The following ANO3 variants were observed in gnomAD, a reference collection of about 807,000 sequenced individuals.
ANO3 encodes the protein anoctamin 3.
Under a neutral mutation model 144.8 loss-of-function variants are expected in ANO3, and 99 were observed. The observed-to-expected ratio is 0.68, with a 90% CI of 0.58 to 0.81. The LOEUF is 0.81. Ranked by LOEUF, ANO3 falls within the 30% of genes least tolerant of loss-of-function variation. The pLI is 0.00. For missense variants in ANO3, 905 were observed against 1,202.2 expected (o/e 0.75, Z 3.66); for synonymous variants, 414 against 392.6 (o/e 1.05, Z -0.64).
intron 1 of ANO3, among the ~76,000 whole-genome samples, chr11:26,257,092 T>A (rs1435932987): frequency 6.6e-6 from 1 of 151,992 alleles, no homozygotes; most frequent in Non-Finnish European, 1.5e-5. Context: ...ATTGAAGGAA[T>A]CATCAAAATC....
chr11:26,590,144 A>G (rs1851402391), intron 14 of ANO3, among the ~76,000 whole-genome samples: 1 of 152,222 alleles, frequency 6.6e-6, no homozygotes, highest in Non-Finnish European at 1.5e-5. Flanking sequence ...TGATGAAACA[A>G]ACAAACAAAC....
chr11:26,460,261 A>C, intron 3 of ANO3: 1 of 292,492 alleles, frequency 3.4e-6, no homozygotes, highest in South Asian at 3.0e-5. Flanking sequence ...TTTATTGAAA[A>C]ATTTTCTTTG....
chr11:26,318,551 A>G (rs534924671), intron 1 of ANO3, among the ~76,000 whole-genome samples: 21 of 152,370 alleles, frequency 1.4e-4, no homozygotes, highest in Non-Finnish European at 1.8e-4. Context: ...GACTGACAGC[A>G]TAAAAGAATC....
Position 26,376,995 on chromosome 11 carries a change from G to C in ANO3, c.46+44674G>C, listed in dbSNP as rs1414505286. 2.0e-5 allele frequency among the ~76,000 whole-genome samples: 3 copies of C among 152,046 alleles called. No individual in the cohort carries two copies. The East Asian group carries it at 5.8e-4, about 29-fold the overall frequency. On this transcript the variant is annotated intron_variant, in intron 1 of 26. Transcript: ENST00000256737. ...GTTTGTCTTGGCTGTGGCTCAGTGA[G>C]GAGAAAAAAGTCTACATGAAAAATT...
At chr11:26,441,084 C>T (rs1300411226) in intron 1 of ANO3, among the ~76,000 whole-genome samples, 1 of 129,316 alleles carries the variant, frequency 7.7e-6, no homozygotes, top group Non-Finnish European at 1.6e-5. Flanking sequence ...GGGTTGGTGT[C>T]TTGATCCCTG....
At chr11:26,195,315 G>A (rs1851563064) in intron 1 of ANO3, among the ~76,000 whole-genome samples, 1 of 152,172 alleles carries the variant, frequency 6.6e-6, no homozygotes, top group African/African-American at 2.4e-5. Flanking sequence ...TCCTTGTAAA[G>A]TAGCTGGAAA....
At chr11:26,396,496 T>A (rs561703341) in intron 1 of ANO3, among the ~76,000 whole-genome samples, 6 of 152,174 alleles carry the variant, frequency 3.9e-5, no homozygotes, top group Non-Finnish European at 7.3e-5. Context: ...CGTGCACACA[T>A]ATGTTTATTG....
rs752235160 is a variant in ANO3, at chr11:26,441,924, A to G, written c.53A>G (p.Asn18Ser). The change falls in exon 2 of 27, where the codon AAT (asparagine) becomes AGT (serine). Residue 18 changes from asparagine to serine, a missense_variant. Coordinates refer to ENST00000256737, the MANE Select transcript of ANO3 (RefSeq NM_031418.4). ...IQSFKQQKGMNISKSEITKET... is the reference protein window; with the variant it reads ...IQSFKQQKGMSISKSEITKET... ...CAACATTTTGGATTTGCAGGTATGA[A>G]TATAAGCAAGAGTGAGATAACAAAA... is the stretch of plus-strand genomic sequence containing the variant. The G allele has an allele frequency of 5.0e-6, 8 of 1,612,816 alleles. No individual in the cohort carries two copies. Among genetic ancestry groups the G allele is most frequent in the Middle Eastern group, 1.7e-4 (1 of 6,046 alleles).
intron 1 of ANO3, among the ~76,000 whole-genome samples, chr11:26,414,625 C>A (rs1590340129): frequency 6.6e-6 from 1 of 151,666 alleles, no homozygotes; most frequent in Non-Finnish European, 1.5e-5. Flanking sequence ...AGCATTAGGA[C>A]AAATACCTAA....
At chr11:26,534,889 G>T (rs1376045829) in intron 9 of ANO3, among the ~76,000 whole-genome samples, 2 of 152,260 alleles carry the variant, frequency 1.3e-5, no homozygotes, top group South Asian at 2.1e-4. Flanking sequence ...GGGCTTGTTT[G>T]TAATAGAATT....
chr11:26,426,733 A>G (rs926951066), intron 1 of ANO3, among the ~76,000 whole-genome samples: 1 of 152,206 alleles, frequency 6.6e-6, no homozygotes, highest in Non-Finnish European at 1.5e-5. Context: ...GACTAGAATG[A>G]TGTTAGAAAA....
chr11:26,412,320 A>T (rs1036209509), intron 1 of ANO3, among the ~76,000 whole-genome samples: 4 of 152,048 alleles, frequency 2.6e-5, no homozygotes, highest in Non-Finnish European at 5.9e-5. Context: ...GTGTGGCATT[A>T]AAAAAGCTCT....
At chr11:26,617,141 A>G (rs937029079) in intron 17 of ANO3, among the ~76,000 whole-genome samples, 16 of 152,278 alleles carry the variant, frequency 1.1e-4, no homozygotes, top group African/African-American at 3.1e-4. Context: ...CTGTTGTACC[A>G]GACTCCAGTT....
chr11:26,615,834 C>G (rs1852244050), intron 17 of ANO3, among the ~76,000 whole-genome samples: 1 of 152,054 alleles, frequency 6.6e-6, no homozygotes. Flanking sequence ...TTTGATCGTC[C>G]TAAATTCTTT....
intron 14 of ANO3, among the ~76,000 whole-genome samples, chr11:26,596,002 G>A (rs1009450724): frequency 6.6e-6 from 1 of 152,144 alleles, no homozygotes; most frequent in African/African-American, 2.4e-5. Context: ...AAGGCTATGG[G>A]TTGTCAGTGG....
chr11:26,414,110 G>A, intron 1 of ANO3, among the ~76,000 whole-genome samples: 1 of 152,062 alleles, frequency 6.6e-6, no homozygotes, highest in East Asian at 1.9e-4. Flanking sequence ...GCAAGGCTGT[G>A]AAGAAATAGG....
At chr11:26,426,804 C>T (rs554059756) in intron 1 of ANO3, among the ~76,000 whole-genome samples, 1 of 152,298 alleles carries the variant, frequency 6.6e-6, no homozygotes, top group Admixed American at 6.5e-5. Flanking sequence ...TAACATGCTG[C>T]AGCAACGGTT....
chr11:26,458,255 C>T (rs1859242224), intron 3 of ANO3, among the ~76,000 whole-genome samples: 1 of 152,096 alleles, frequency 6.6e-6, no homozygotes, highest in Non-Finnish European at 1.5e-5. Context: ...CAGAAGATCT[C>T]ACTGATGGCA....
At chr11:26,341,536 G>C (rs1426255098) in intron 1 of ANO3, among the ~76,000 whole-genome samples, 14 of 152,074 alleles carry the variant, frequency 9.2e-5, no homozygotes, top group Admixed American at 9.2e-4. Flanking sequence ...TAATAAAAAG[G>C]AGAAATTTCT....
Sources: gnomAD v4.1 joint callset for allele counts (sites outside exome capture counted in the v4.1 genomes callset) on GRCh38, gnomAD v4.1.1 for gene constraint, MANE v1.5 for transcripts, NCBI Gene and HGNC (gene_info 2026-07-23, HGNC 2026-07-21) for gene names.